The following KCNAB1 variants were observed in gnomAD, a reference collection of about 807,000 sequenced individuals.
KCNAB1 encodes potassium voltage-gated channel subfamily A regulatory beta subunit 1, also known as voltage-gated potassium channel subunit beta-1.
A neutral mutation model predicts 64.6 loss-of-function variants in KCNAB1; 35 were observed. The observed-to-expected ratio is 0.54, with a 90% CI of 0.41 to 0.72. KCNAB1 has a LOEUF of 0.72. Ranked by LOEUF, KCNAB1 falls within the 30% of genes least tolerant of loss-of-function variation. The probability of loss-of-function intolerance (pLI) is 0.00; values close to 1 mark genes in which losing one functional copy is unlikely to be tolerated. For synonymous variants in KCNAB1, 177 were observed against 183.8 expected (o/e 0.96, Z 0.30); for missense variants, 401 against 512.9 (o/e 0.78, Z 2.11).
At chr3:156,504,315 A>G (rs571448263) in intron 8 of KCNAB1, among the ~76,000 whole-genome samples, 76 of 152,272 alleles carry the variant, frequency 5.0e-4, no homozygotes, top group South Asian at 5.0e-3. Flanking sequence ...TCATCTGTTG[A>G]TGAACACTTA....
Position 156,456,910 on chromosome 3 carries a change from G to A in KCNAB1, c.358-543G>A, listed in dbSNP as rs147178903. On this transcript the variant is annotated intron_variant, in intron 3 of 13. Coordinates refer to ENST00000490337, the MANE Select transcript of KCNAB1 (RefSeq NM_172160.3). ...TGGGTTCCTGGTGAGTCAGAGGCAC[G>A]CTGCCGCCTCTCTGTGTTGATTCAA... The A allele has an allele frequency of 2.3e-3, 355 of 154,156 alleles. 1 individual carries two copies. Among genetic ancestry groups the A allele is most frequent in the Non-Finnish European group, 4.1e-3 (287 of 69,334 alleles). 9.5% of individuals were successfully genotyped at this position (154,156 alleles called of 1,614,324 possible). A position where few individuals can be genotyped will look rare whatever the true frequency, so the allele number is the denominator to read the frequency against.
At chr3:156,239,106 AT>A (rs1424333663) in intron 1 of KCNAB1, among the ~76,000 whole-genome samples, 9 of 152,242 alleles carry the variant, frequency 5.9e-5, no homozygotes, top group Non-Finnish European at 1.2e-4. Context: ...TTTATTTAAT[AT>A]TCAGATCTCT....
intron 2 of KCNAB1, among the ~76,000 whole-genome samples, chr3:156,437,351 T>C (rs1716655280): frequency 1.3e-5 from 2 of 152,214 alleles, no homozygotes; most frequent in Non-Finnish European, 2.9e-5. Flanking sequence ...AATCTGGGTG[T>C]CACAGGCATA....
chr3:156,493,952 G>T (rs748754448), intron 8 of KCNAB1, among the ~76,000 whole-genome samples: 6 of 152,036 alleles, frequency 3.9e-5, no homozygotes, highest in Non-Finnish European at 8.8e-5. Flanking sequence ...TTTTATGGTG[G>T]TACCTACCAG....
intron 1 of KCNAB1, among the ~76,000 whole-genome samples, chr3:156,357,130 C>G (rs1725295679): frequency 6.6e-6 from 1 of 151,168 alleles, no homozygotes; most frequent in Non-Finnish European, 1.5e-5. Context: ...CTCTCTCTCT[C>G]TCACACATAC....
chr3:156,185,249 G>A (rs1713111680), intron 1 of KCNAB1, among the ~76,000 whole-genome samples: 2 of 152,084 alleles, frequency 1.3e-5, no homozygotes, highest in Non-Finnish European at 2.9e-5. Flanking sequence ...ATGGTTCCAG[G>A]CTCTGATATC....
intron 8 of KCNAB1, among the ~76,000 whole-genome samples, chr3:156,486,077 T>C (rs2108341974): frequency 6.6e-6 from 1 of 152,210 alleles, no homozygotes; most frequent in African/African-American, 2.4e-5. Flanking sequence ...AGTACCTCTT[T>C]AACTTTATAA....
intron 1 of KCNAB1, among the ~76,000 whole-genome samples, chr3:156,204,094 G>T (rs141455731): frequency 6.6e-6 from 1 of 152,332 alleles, no homozygotes; most frequent in East Asian, 1.9e-4. Context: ...AGATGTCAGT[G>T]GGAGTAGGAA....
At chr3:156,478,742 C>T (rs1279930661) in intron 8 of KCNAB1, among the ~76,000 whole-genome samples, 1 of 152,146 alleles carries the variant, frequency 6.6e-6, no homozygotes, top group Non-Finnish European at 1.5e-5. Flanking sequence ...GAGCTTCATC[C>T]AGTTTCTACA....
At position 156,161,696 on chromosome 3, in the gene KCNAB1, C is replaced by T. The variant is rs189642410; in HGVS notation, c.275+40810C>T. Among the ~76,000 whole-genome samples the T allele has an allele frequency of 6.7e-4, 102 of 152,282 alleles. 1 individual carries two copies. In the East Asian group the frequency reaches 0.019, roughly 28 times the overall value. On this transcript the variant is annotated intron_variant, in intron 1 of 13. Coordinates refer to ENST00000490337, the MANE Select transcript of KCNAB1 (RefSeq NM_172160.3). ...TGGGTTTCTGCATAATCTGTGAAGG[C>T]TGGTCCACATAAGCAAAGTATTGTG... is the stretch of plus-strand genomic sequence containing the variant.
chr3:156,245,663 G>A (rs2108455426), intron 1 of KCNAB1, among the ~76,000 whole-genome samples: 1 of 152,272 alleles, frequency 6.6e-6, no homozygotes, highest in East Asian at 1.9e-4. Flanking sequence ...TCTTCTGAAA[G>A]CTGAATGACT....
intron 1 of KCNAB1, among the ~76,000 whole-genome samples, chr3:156,337,594 C>G (rs1331307197): frequency 1.3e-5 from 2 of 152,170 alleles, no homozygotes; most frequent in African/African-American, 4.8e-5. Context: ...AAAGTACATT[C>G]ACTGTGTGTG....
intron 1 of KCNAB1, among the ~76,000 whole-genome samples, chr3:156,181,063 G>C (rs1712779097): frequency 1.3e-5 from 2 of 152,278 alleles, no homozygotes; most frequent in Admixed American, 1.3e-4. Context: ...CTCTGTGTCT[G>C]TATTGTAACC....
intron 1 of KCNAB1, among the ~76,000 whole-genome samples, chr3:156,175,491 G>C (rs1712296036): frequency 6.6e-6 from 1 of 152,154 alleles, no homozygotes; most frequent in Admixed American, 6.5e-5. Context: ...GTGCTGGCAG[G>C]TGCCTGTAGT....
At chr3:156,274,615 T>C (rs1210220987) in intron 1 of KCNAB1, among the ~76,000 whole-genome samples, 1 of 152,206 alleles carries the variant, frequency 6.6e-6, no homozygotes. Context: ...CAAAAGTGTC[T>C]TTGAATATCA....
At chr3:156,238,312 C>G (rs920672023) in intron 1 of KCNAB1, among the ~76,000 whole-genome samples, 3 of 151,580 alleles carry the variant, frequency 2.0e-5, no homozygotes, top group African/African-American at 7.3e-5. Flanking sequence ...GTCCCAGCTC[C>G]TCGGGAGGCT....
intron 2 of KCNAB1, among the ~76,000 whole-genome samples, chr3:156,450,854 C>T (rs542307791): frequency 4.6e-4 from 64 of 138,686 alleles, no homozygotes; most frequent in Admixed American, 3.7e-3. Flanking sequence ...ATACACTTCC[C>T]ATCCACCCAC....
At chr3:156,252,477 T>C (rs977425269) in intron 1 of KCNAB1, among the ~76,000 whole-genome samples, 4 of 152,232 alleles carry the variant, frequency 2.6e-5, no homozygotes, top group African/African-American at 9.6e-5. Flanking sequence ...GGATTTGTTT[T>C]TGACAGCACT....
At chr3:156,493,644 T>C (rs1715800625) in intron 8 of KCNAB1, among the ~76,000 whole-genome samples, 1 of 152,130 alleles carries the variant, frequency 6.6e-6, no homozygotes, top group African/African-American at 2.4e-5. Flanking sequence ...ACTAATATCC[T>C]TTTCTGGCCA....
Sources: allele counts gnomAD v4.1 joint callset (sites outside exome capture counted in the v4.1 genomes callset), GRCh38; gene constraint gnomAD v4.1.1; transcripts MANE v1.5; gene names NCBI Gene and HGNC (gene_info 2026-07-23, HGNC 2026-07-21).